SEMA3A: variants seen among roughly 807,000 people sequenced by gnomAD.
The protein encoded by SEMA3A is semaphorin 3A, also known as semaphorin-3A.
Under a neutral mutation model 97.9 loss-of-function variants are expected in SEMA3A, and 29 were observed. The observed-to-expected ratio is 0.30, with a 90% CI of 0.22 to 0.40. The LOEUF is 0.40. SEMA3A is among the 10% of genes least tolerant of loss of function. SEMA3A has a pLI of 1.00. For synonymous variants in SEMA3A, 321 were observed against 323.7 expected (o/e 0.99, Z 0.09); for missense variants, 763 against 951.3 (o/e 0.80, Z 2.60).
At chr7:84,049,234 T>G (rs1792489313) in intron 5 of SEMA3A, among the ~76,000 whole-genome samples, 1 of 152,046 alleles carries the variant, frequency 6.6e-6, no homozygotes, top group South Asian at 2.1e-4. Context: ...AAGAGTTAGA[T>G]GATTTTATTG....
chr7:84,297,684 G>T (rs1055058587), intron 3 of SEMA3A, among the ~76,000 whole-genome samples: 1 of 151,716 alleles, frequency 6.6e-6, no homozygotes, highest in African/African-American at 2.4e-5. Flanking sequence ...CTAACTGTTG[G>T]TTACATTTCC....
intron 1 of SEMA3A, among the ~76,000 whole-genome samples, chr7:84,172,281 T>C (rs1400127415): frequency 1.3e-5 from 2 of 152,186 alleles, no homozygotes; most frequent in Non-Finnish European, 2.9e-5. Context: ...TGTGTACATA[T>C]ATATAACAAG....
intron 2 of SEMA3A, among the ~76,000 whole-genome samples, chr7:84,314,681 A>C (rs2115882255): frequency 6.6e-6 from 1 of 152,316 alleles, no homozygotes; most frequent in Non-Finnish European, 1.5e-5. Context: ...GAACTATGCA[A>C]TAGAAAGTGC....
chr7:84,359,451 G>A (rs533477160), intron 2 of SEMA3A, among the ~76,000 whole-genome samples: 48 of 152,142 alleles, frequency 3.2e-4, no homozygotes, highest in South Asian at 2.5e-3. Flanking sequence ...TTATTGATTT[G>A]CGTATGTTGA....
intron 6 of SEMA3A, among the ~76,000 whole-genome samples, chr7:84,015,815 C>T (rs1195635832): frequency 2.0e-5 from 3 of 152,108 alleles, no homozygotes; most frequent in African/African-American, 4.8e-5. Context: ...TTTCACAAGG[C>T]CACACTTTAC....
chr7:84,027,124 T>A (rs1298493966), intron 6 of SEMA3A, among the ~76,000 whole-genome samples: 2 of 152,176 alleles, frequency 1.3e-5, no homozygotes, highest in Non-Finnish European at 2.9e-5. Context: ...TCTCTAAATA[T>A]ACACAATTTT....
At chr7:84,327,124 T>A (rs761125574) in intron 2 of SEMA3A, among the ~76,000 whole-genome samples, 7 of 152,016 alleles carry the variant, frequency 4.6e-5, no homozygotes, top group Non-Finnish European at 8.8e-5. Context: ...TAATAGGTTA[T>A]CTGAAATATG....
chr7:84,170,168 T>C (rs1797340978), intron 1 of SEMA3A, among the ~76,000 whole-genome samples: 1 of 152,002 alleles, frequency 6.6e-6, no homozygotes, highest in Non-Finnish European at 1.5e-5. Context: ...AGATGAACAC[T>C]GCCTGGTGCT....
At chr7:84,434,334 A>T (rs774920482) in intron 1 of SEMA3A, among the ~76,000 whole-genome samples, 5 of 152,204 alleles carry the variant, frequency 3.3e-5, no homozygotes, top group Admixed American at 3.3e-4. Flanking sequence ...AACCCTAAAT[A>T]GACCAATATT....
intron 3 of SEMA3A, among the ~76,000 whole-genome samples, chr7:84,112,432 A>T (rs1169361236): frequency 6.6e-6 from 1 of 152,118 alleles, no homozygotes; most frequent in Non-Finnish European, 1.5e-5. Context: ...TATGCATGCA[A>T]TTTTTTCCAC....
chr7:84,429,548 A>ATATATATATATATATATG, intron 1 of SEMA3A, among the ~76,000 whole-genome samples: 1 of 115,760 alleles, frequency 8.6e-6, no homozygotes, highest in African/African-American at 3.2e-5. Flanking sequence ...ATATATATAT[A>ATATATATATATATATATG]GCGAGAGAGA....
At chr7:84,133,016 AAAC>A (rs1396337931) in intron 2 of SEMA3A, among the ~76,000 whole-genome samples, 1 of 152,114 alleles carries the variant, frequency 6.6e-6, no homozygotes, top group African/African-American at 2.4e-5. Context: ...TCTTTTGGTA[AAAC>A]AACAACAAAA....
At chr7:83,962,520 C>G (rs951561617) in intron 16 of SEMA3A, among the ~76,000 whole-genome samples, 1 of 152,094 alleles carries the variant, frequency 6.6e-6, no homozygotes, top group Non-Finnish European at 1.5e-5. Flanking sequence ...CCTTTAACAT[C>G]ATATTATGTT....
intron 4 of SEMA3A, among the ~76,000 whole-genome samples, chr7:84,062,646 GA>G (rs1234662978): frequency 6.6e-6 from 1 of 152,222 alleles, no homozygotes; most frequent in African/African-American, 2.4e-5. Context: ...CTGAGTCAAA[GA>G]AAGGGGTGAC....
intron 4 of SEMA3A, among the ~76,000 whole-genome samples, chr7:84,076,136 A>T (rs1793938309): frequency 6.6e-6 from 1 of 152,202 alleles, no homozygotes; most frequent in South Asian, 2.1e-4. Context: ...TACCACAGAT[A>T]CACTTATGGG....
Position 84,316,973 on chromosome 7 carries a change from CA to C in SEMA3A, c.-168-9682del, listed in dbSNP as rs111749129. On this transcript the variant is annotated intron_variant, in intron 2 of 3. Coordinates refer to the SEMA3A transcript ENST00000424555. ...ACAAAGCTTGTGATAACAGCAAAAA[CA>C]TTTTTTTTTTCGCACATTAGGAAAT... 3.3e-5 allele frequency among the ~76,000 whole-genome samples: 5 copies of C among 151,660 alleles called. 1 individual carries two copies. The highest frequency in any genetic ancestry group is 1.2e-4 in the African/African-American group (5 of 41,500).
intron 1 of SEMA3A, among the ~76,000 whole-genome samples, chr7:84,141,055 G>T (rs1796278392): frequency 6.6e-6 from 1 of 152,144 alleles, no homozygotes; most frequent in Admixed American, 6.6e-5. Flanking sequence ...CCTTTCCACA[G>T]ACTGATGTTT....
intron 4 of SEMA3A, among the ~76,000 whole-genome samples, chr7:84,063,702 G>T (rs1221225361): frequency 6.6e-6 from 1 of 150,970 alleles, no homozygotes; most frequent in Non-Finnish European, 1.5e-5. Flanking sequence ...AATAAAGCGA[G>T]AAGGGAAGTT....
intron 1 of SEMA3A, among the ~76,000 whole-genome samples, chr7:84,462,995 A>T (rs1180126640): frequency 6.6e-6 from 1 of 152,120 alleles, no homozygotes; most frequent in East Asian, 1.9e-4. Context: ...TCTTATAGTT[A>T]GAAATTTCTT....
Sources: allele counts gnomAD v4.1 joint callset (sites outside exome capture counted in the v4.1 genomes callset), GRCh38; gene constraint gnomAD v4.1.1; transcripts MANE v1.5; gene names NCBI Gene and HGNC (gene_info 2026-07-23, HGNC 2026-07-21).